LYPLAL1: variants seen among roughly 807,000 people sequenced by gnomAD.
The protein encoded by LYPLAL1 is lysophospholipase like 1, also known as lysophospholipase-like protein 1.
LYPLAL1 carries 23 observed loss-of-function variants against 19.7 expected under a neutral mutation model. The observed-to-expected ratio is 1.17, with a 90% CI of 0.84 to 1.65. The LOEUF is 1.65. Ranked by LOEUF, LYPLAL1 falls within the 40% of genes most tolerant of loss-of-function variation. The probability of loss-of-function intolerance (pLI) is 0.00; values close to 1 mark genes in which losing one functional copy is unlikely to be tolerated. For synonymous variants in LYPLAL1, 119 were observed against 96.3 expected, an observed-to-expected ratio of 1.24 and a Z score of -1.38; for missense variants, 355 against 279.4, an observed-to-expected ratio of 1.27 and a Z score of -1.93.
intron 3 of LYPLAL1, among the ~76,000 whole-genome samples, chr1:219,208,338 GT>G (rs1401450274): frequency 6.6e-6 from 1 of 151,996 alleles, no homozygotes; most frequent in Non-Finnish European, 1.5e-5. Context: ...CATCTATCTT[GT>G]TTTACTATAA....
intron 2 of LYPLAL1, among the ~76,000 whole-genome samples, chr1:219,181,145 C>A (rs981745575): frequency 1.3e-5 from 2 of 151,964 alleles, no homozygotes. Flanking sequence ...AACATGTAAT[C>A]GGTATAAAAT....
the LYPLAL1 span, among the ~76,000 whole-genome samples, chr1:219,339,627 A>C: frequency 6.6e-6 from 1 of 152,080 alleles, no homozygotes; most frequent in Non-Finnish European, 1.5e-5. Flanking sequence ...GTTCAAGAAA[A>C]TTTAGGTTTA....
chr1:219,233,492 G>A, the LYPLAL1 span, among the ~76,000 whole-genome samples: 7 of 152,212 alleles, frequency 4.6e-5, no homozygotes, highest in African/African-American at 1.7e-4. Context: ...TTTTGGCCAA[G>A]CATGCTGGCT....
At chr1:219,207,713 TGAG>T (rs561024276) in intron 3 of LYPLAL1, among the ~76,000 whole-genome samples, 189 of 152,188 alleles carry the variant, frequency 1.2e-3, no homozygotes, top group Non-Finnish European at 1.9e-3. Context: ...CAGAATTTTA[TGAG>T]AAGAATCAGC....
At chr1:219,209,784 A>G (rs1268670096) in intron 3 of LYPLAL1, among the ~76,000 whole-genome samples, 7 of 152,056 alleles carry the variant, frequency 4.6e-5, no homozygotes, top group Non-Finnish European at 7.4e-5. Flanking sequence ...CATAACAGCT[A>G]TCTCCATATT....
chr1:219,187,280 T>C (rs1330898832), intron 2 of LYPLAL1, among the ~76,000 whole-genome samples: 3 of 151,708 alleles, frequency 2.0e-5, no homozygotes, highest in Non-Finnish European at 4.4e-5. Context: ...CCATTTTGAT[T>C]ATAAGGTATC....
At chr1:219,410,230 G>A in the LYPLAL1 span, 2 of 152,078 alleles carry the variant, frequency 1.3e-5, no homozygotes, top group East Asian at 3.9e-4. Flanking sequence ...CATCTTCACT[G>A]GAAAATAAAG....
At chr1:219,291,754 C>T in the LYPLAL1 span, among the ~76,000 whole-genome samples, 1 of 150,698 alleles carries the variant, frequency 6.6e-6, no homozygotes, top group South Asian at 2.1e-4. Context: ...TCACCTGTCA[C>T]AGGGTTACAA....
At chr1:219,411,249 C>G in the LYPLAL1 span, among the ~76,000 whole-genome samples, 6 of 148,174 alleles carry the variant, frequency 4.0e-5, no homozygotes, top group Admixed American at 6.7e-5. Context: ...CTGGTGAGGA[C>G]GTGGAGAGTC....
chr1:219,302,600 A>G, the LYPLAL1 span, among the ~76,000 whole-genome samples: 1 of 152,188 alleles, frequency 6.6e-6, no homozygotes, highest in Admixed American at 6.5e-5. Flanking sequence ...TATGGAATAA[A>G]CATAATATTT....
At chr1:219,421,968 C>G in the LYPLAL1 span, among the ~76,000 whole-genome samples, 1 of 152,146 alleles carries the variant, frequency 6.6e-6, no homozygotes, top group African/African-American at 2.4e-5. Context: ...TGATTGTGCC[C>G]TTTCAGGATG....
At chr1:219,426,715 C>T in the LYPLAL1 span, among the ~76,000 whole-genome samples, 2 of 152,118 alleles carry the variant, frequency 1.3e-5, no homozygotes, top group African/African-American at 4.8e-5. Flanking sequence ...TCAAGTGCCT[C>T]AGCCTCCTGA....
the LYPLAL1 span, among the ~76,000 whole-genome samples, chr1:219,253,122 C>G: frequency 6.6e-6 from 1 of 151,888 alleles, no homozygotes; most frequent in Non-Finnish European, 1.5e-5. Flanking sequence ...TCTGTGGGGA[C>G]AGTAGTAACG....
At chr1:219,284,099 C>T in the LYPLAL1 span, among the ~76,000 whole-genome samples, 1 of 152,136 alleles carries the variant, frequency 6.6e-6, no homozygotes, top group Non-Finnish European at 1.5e-5. Context: ...GGCAGTTCTC[C>T]CTGCTCTTTC....
the LYPLAL1 span, among the ~76,000 whole-genome samples, chr1:219,420,689 C>A: frequency 2.0e-5 from 3 of 152,142 alleles, no homozygotes; most frequent in Non-Finnish European, 4.4e-5. Flanking sequence ...AAATTGCTGA[C>A]CACCTGCAAG....
the LYPLAL1 span, among the ~76,000 whole-genome samples, chr1:219,403,578 A>G: frequency 2.0e-5 from 3 of 152,168 alleles, no homozygotes; most frequent in Non-Finnish European, 4.4e-5. Context: ...ATGCTTTAGG[A>G]CAATAGGGTG....
chr1:219,311,885 C>T, the LYPLAL1 span, among the ~76,000 whole-genome samples: 1 of 152,028 alleles, frequency 6.6e-6, no homozygotes, highest in Non-Finnish European at 1.5e-5. Flanking sequence ...TAACAGGTTT[C>T]CTGCTGCTAA....
chr1:219,205,622 G>T (rs1658515434), intron 3 of LYPLAL1, among the ~76,000 whole-genome samples: 2 of 152,044 alleles, frequency 1.3e-5, no homozygotes, highest in Non-Finnish European at 2.9e-5. Flanking sequence ...TACAATGGGT[G>T]TATATTAATT....
the LYPLAL1 span, among the ~76,000 whole-genome samples, chr1:219,419,197 T>A: frequency 6.6e-6 from 1 of 152,212 alleles, no homozygotes. Flanking sequence ...TGCTGGCTCA[T>A]GTGCTAAGAG....
Sources: gnomAD v4.1 joint callset for allele counts (sites outside exome capture counted in the v4.1 genomes callset) on GRCh38, gnomAD v4.1.1 for gene constraint, MANE v1.5 for transcripts, NCBI Gene and HGNC (gene_info 2026-07-23, HGNC 2026-07-21) for gene names.